Variants in EPN1 observed in about 807,000 individuals in gnomAD.
EPN1 encodes the protein epsin-1.
Under a neutral mutation model 56.9 loss-of-function variants are expected in EPN1, and 25 were observed. The ratio of observed to expected loss-of-function variants is 0.44; its 90% CI spans 0.32 to 0.61. The LOEUF is 0.61. EPN1 is among the 20% of genes least tolerant of loss of function. EPN1 has a pLI of 0.05. For missense variants in EPN1, 785 were observed against 823.7 expected, an observed-to-expected ratio of 0.95 and a Z score of 0.58; for synonymous variants, 411 against 361.8, an observed-to-expected ratio of 1.14 and a Z score of -1.54.
Position 55,694,553 on chromosome 19 carries a change from G to A in EPN1, c.1265-173G>A, listed in dbSNP as rs529329135. On this transcript the variant is annotated intron_variant, in intron 9 of 10. Transcript: ENST00000270460. The surrounding 1 kb of genome is among the most constrained non-coding windows in gnomAD (Gnocchi z 4.2). ...CCACCTTATGGGAATCTGGGCTGACGTGAGGTTTTGGCCTGGGCAAGCGAT... is the reference window on the plus strand; with the variant it reads ...CCACCTTATGGGAATCTGGGCTGACATGAGGTTTTGGCCTGGGCAAGCGAT... The A allele has an allele frequency of 4.5e-5, 30 of 673,616 alleles. No homozygotes were observed. The South Asian group carries it at 8.3e-4, about 19-fold the overall frequency. The allele number at this position is 673,616 out of a possible 1,614,324, so 41.7% of individuals were successfully genotyped here.
chr19:55,684,684 G>T (rs1600100034), intron 2 of EPN1, among the ~76,000 whole-genome samples: 1 of 152,124 alleles, frequency 6.6e-6, no homozygotes, highest in Non-Finnish European at 1.5e-5. Context: ...TACTGCTCCA[G>T]GCTGTTAGTA....
At chr19:55,685,689 C>T (rs1428705037) in intron 3 of EPN1, 44 bp downstream of exon 3, 1 of 1,550,442 alleles carries the variant, frequency 6.4e-7, no homozygotes, top group Non-Finnish European at 8.7e-7. Context: ...AGTCTGTCCT[C>T]CGCCTACTGC....
rs376110457 is a variant in EPN1 at position 55,681,285 on chromosome 19, C to T, written c.228+2430C>T. On this transcript the variant is annotated intron_variant, in intron 2 of 10. Coordinates refer to ENST00000270460, the MANE Select transcript of EPN1 (RefSeq NM_001130072.2). ...CAGGTTCTCATGAAATCCACGGTTA[C>T]CCTGTAAAGGAAGTTCTTTTTCTCC... Among the ~76,000 whole-genome samples, 15 of 152,324 alleles carry T rather than the reference C, an allele frequency of 9.8e-5. No homozygotes were observed. In the East Asian group the frequency reaches 1.5e-3, roughly 16 times the overall value.
At position 55,678,686 on chromosome 19, in the gene EPN1, C is replaced by G. The variant is rs774551624; in HGVS notation, c.59C>G (p.Ala20Gly). The change falls in exon 2 of 11, where the codon GCG becomes GGG. Residue 20 changes from alanine to glycine, a missense_variant. By Grantham distance (60) the Ala-to-Gly change is moderately conservative (BLOSUM62 0). Coordinates refer to ENST00000270460, the MANE Select transcript of EPN1 (RefSeq NM_001130072.2). The part of the protein sequence containing the change: ...MKNIVHNYSE[A>G]EIKVREATSN... Reference sequence around the variant, plus strand: ...AACATCGTCCACAACTACTCAGAGGCGGAGATCAAGGTTCGAGAGGCCACG... The same window carrying G: ...AACATCGTCCACAACTACTCAGAGGGGGAGATCAAGGTTCGAGAGGCCACG... 6.2e-7 allele frequency: 1 copy of G among 1,613,920 alleles called. No homozygotes were observed. Among genetic ancestry groups the G allele is most frequent in the African/African-American group, 1.3e-5 (1 of 74,912 alleles).
intron 3 of EPN1, among the ~76,000 whole-genome samples, chr19:55,686,781 G>C (rs1986196048): frequency 6.6e-6 from 1 of 152,090 alleles, no homozygotes. Flanking sequence ...GTAGGCGGCA[G>C]AGAGGGGCTG....
Sources: allele counts gnomAD v4.1 joint callset (sites outside exome capture counted in the v4.1 genomes callset), GRCh38; gene constraint gnomAD v4.1.1; non-coding constraint Gnocchi (gnomAD v3.1); transcripts MANE v1.5; gene names NCBI Gene and HGNC (gene_info 2026-07-23, HGNC 2026-07-21).